The following ARHGEF28 variants were observed in gnomAD, a reference collection of about 807,000 sequenced individuals.
ARHGEF28 encodes 190 kDa guanine nucleotide exchange factor.
In ARHGEF28, 152 loss-of-function variants were observed where a neutral mutation model predicts 206.6. The observed-to-expected ratio is 0.74, with a 90% CI of 0.64 to 0.84. ARHGEF28 has a LOEUF of 0.84. Among genes scored for constraint, ARHGEF28 ranks in the 40% least tolerant of loss-of-function variants. The pLI is 0.00. For missense variants in ARHGEF28, 2,028 were observed against 2,073.2 expected, an observed-to-expected ratio of 0.98 and a Z score of 0.42; for synonymous variants, 763 against 776.4, an observed-to-expected ratio of 0.98 and a Z score of 0.29.
At chr5:73,806,963 T>C (rs1413896614) in intron 9 of ARHGEF28, among the ~76,000 whole-genome samples, 1 of 148,414 alleles carries the variant, frequency 6.7e-6, no homozygotes, top group East Asian at 1.9e-4. Flanking sequence ...ATTAAATCTA[T>C]ATAAAATATA....
At chr5:73,928,367 G>C (rs1304010932) in intron 35 of ARHGEF28, among the ~76,000 whole-genome samples, 2 of 152,184 alleles carry the variant, frequency 1.3e-5, no homozygotes, top group African/African-American at 2.4e-5. Context: ...AGTGAGCTGA[G>C]ATCGCGCCAC....
chr5:73,716,978 T>C (rs1053344284), intron 2 of ARHGEF28, among the ~76,000 whole-genome samples: 1 of 152,072 alleles, frequency 6.6e-6, no homozygotes, highest in African/African-American at 2.4e-5. Flanking sequence ...ACTGCTGCTT[T>C]TAGATGTGAC....
At position 73,776,606 on chromosome 5, in the gene ARHGEF28, C is replaced by T. The variant is rs367951422; in HGVS notation, c.750C>T (p.Thr250=). 3 of 1,613,876 alleles carry T rather than the reference C, an allele frequency of 1.9e-6. No individual in the cohort carries two copies. Among genetic ancestry groups the T allele is most frequent in the Non-Finnish European group, 2.5e-6 (3 of 1,179,824 alleles). ...ACATTCACTCATCGGAAACGCTGACCCTGACCCTGAACCACACAGCCGAGC... is the reference window on the plus strand; with the variant it reads ...ACATTCACTCATCGGAAACGCTGACTCTGACCCTGAACCACACAGCCGAGC... ...LHYIHSSETL[T]LTLNHTAEHL... is the part of the protein sequence containing the mutation. Residue 250 remains threonine, a synonymous_variant, in exon 6 of 36, where the codon ACC becomes ACT. Coordinates refer to ENST00000513042, the MANE Select transcript of ARHGEF28 (RefSeq NM_001177693.2).
chr5:73,793,984 T>G (rs925977187), intron 7 of ARHGEF28, among the ~76,000 whole-genome samples: 4 of 152,172 alleles, frequency 2.6e-5, no homozygotes, highest in African/African-American at 9.7e-5. Flanking sequence ...AATTACGCTC[T>G]TTTAAAACAT....
chr5:73,745,722 G>A (rs1751684281), intron 2 of ARHGEF28, among the ~76,000 whole-genome samples: 1 of 151,826 alleles, frequency 6.6e-6, no homozygotes, highest in Admixed American at 6.6e-5. Context: ...TTTTTATTTG[G>A]GCATGATTGG....
chr5:73,900,768 G>T (rs141723407), intron 30 of ARHGEF28: 49 of 163,420 alleles, frequency 3.0e-4, no homozygotes, highest in Non-Finnish European at 4.3e-4. Context: ...CCACAAGAGA[G>T]ACTTTTTACA....
intron 9 of ARHGEF28, among the ~76,000 whole-genome samples, chr5:73,830,497 T>C (rs1435739520): frequency 2.0e-5 from 3 of 147,630 alleles, no homozygotes; most frequent in Non-Finnish European, 3.0e-5. Flanking sequence ...GAGCTTGCAG[T>C]GAGCCGAGAT....
chr5:73,849,193 C>A, intron 13 of ARHGEF28, 106 bp downstream of exon 13: 2 of 844,826 alleles, frequency 2.4e-6, no homozygotes, highest in East Asian at 2.9e-5. Flanking sequence ...AAGAATTTTC[C>A]ATTCTGTTTT....
chr5:73,909,166 T>G lies in ARHGEF28; in HGVS notation c.4162-246T>G, dbSNP rs1268767268. ...ACTACCTTCCCACAGGAGAGGATGA[T>G]ATTGCTTTTGGGCTTTGTTTCTTTT... On this transcript the variant is annotated intron_variant, in intron 33 of 35. Transcript: ENST00000513042. 4 of 401,048 alleles carry G rather than the reference T, an allele frequency of 1.0e-5. No individual in the cohort carries two copies. The East Asian group carries it at 1.6e-4, about 16-fold the overall frequency. The allele number at this position is 401,048 out of a possible 1,614,324, so 24.8% of individuals were successfully genotyped here. A position where few individuals can be genotyped will look rare whatever the true frequency, so the allele number is the denominator to read the frequency against.
rs924494984 is a variant in ARHGEF28, at chr5:73,875,900, C to T, written c.2814+2654C>T. ...TTGGCTTAGGATTGACTTGGCGATG[C>T]GGGCTCTTTTTTGGTTCCATATGAA... On this transcript the variant is annotated intron_variant, in intron 22 of 35. Coordinates refer to ENST00000513042, the MANE Select transcript of ARHGEF28 (RefSeq NM_001177693.2). Among the ~76,000 whole-genome samples the T allele has an allele frequency of 6.9e-3, 1,051 of 152,154 alleles. 15 individuals carry two copies. Among genetic ancestry groups the T allele is most frequent in the African/African-American group, 0.024 (979 of 41,480 alleles).
At chr5:73,652,599 A>G (rs555756097) in intron 1 of ARHGEF28, among the ~76,000 whole-genome samples, 4 of 152,358 alleles carry the variant, frequency 2.6e-5, no homozygotes, top group Admixed American at 1.3e-4. Flanking sequence ...TTGTAGGTTT[A>G]TGAGTGACAT....
intron 1 of ARHGEF28, among the ~76,000 whole-genome samples, chr5:73,641,373 G>A (rs1744083865): frequency 6.7e-6 from 1 of 150,110 alleles, no homozygotes; most frequent in African/African-American, 2.4e-5. Flanking sequence ...GGATTAGTGG[G>A]CATAATGAAA....
chr5:73,690,651 T>A (rs1299289520), intron 2 of ARHGEF28, among the ~76,000 whole-genome samples: 1 of 150,008 alleles, frequency 6.7e-6, no homozygotes, highest in East Asian at 2.0e-4. Context: ...TGAGCTGTAA[T>A]CACACCACTG....
At chr5:73,676,753 TG>T (rs1746718408) in intron 1 of ARHGEF28, among the ~76,000 whole-genome samples, 1 of 152,204 alleles carries the variant, frequency 6.6e-6, no homozygotes, top group South Asian at 2.1e-4. Flanking sequence ...TCATTTAACT[TG>T]ATAAGGGTAC....
chr5:73,890,303 T>C (rs531542831), intron 26 of ARHGEF28, among the ~76,000 whole-genome samples: 5 of 152,238 alleles, frequency 3.3e-5, no homozygotes, highest in Non-Finnish European at 7.3e-5. Flanking sequence ...ATAATTGCAC[T>C]CTTGCTCATG....
chr5:73,847,452 T>A (rs1758433657), intron 12 of ARHGEF28, among the ~76,000 whole-genome samples: 1 of 152,182 alleles, frequency 6.6e-6, no homozygotes, highest in Non-Finnish European at 1.5e-5. Flanking sequence ...TGAGCACAGA[T>A]CCTGTATCCT....
intron 2 of ARHGEF28, among the ~76,000 whole-genome samples, chr5:73,727,609 T>A (rs916810679): frequency 3.3e-5 from 5 of 152,232 alleles, no homozygotes; most frequent in African/African-American, 1.2e-4. Context: ...TCTCTCCACT[T>A]GCTCTTGGTT....
intron 2 of ARHGEF28, among the ~76,000 whole-genome samples, chr5:73,725,285 C>A (rs1287331966): frequency 2.0e-5 from 3 of 152,178 alleles, no homozygotes; most frequent in African/African-American, 4.8e-5. Context: ...AACTTAGAAT[C>A]TTTGTGGTTG....
chr5:73,749,212 G>T (rs1751899218), intron 2 of ARHGEF28, among the ~76,000 whole-genome samples: 1 of 152,208 alleles, frequency 6.6e-6, no homozygotes, highest in Non-Finnish European at 1.5e-5. Context: ...TATTTATTTG[G>T]CAATGTTTGT....
Sources: allele counts gnomAD v4.1 joint callset (sites outside exome capture counted in the v4.1 genomes callset), GRCh38; gene constraint gnomAD v4.1.1; transcripts MANE v1.5; gene names NCBI Gene and HGNC (gene_info 2026-07-23, HGNC 2026-07-21).